NLK: variants seen among roughly 807,000 people sequenced by gnomAD.
NLK encodes the protein nemo like kinase.
NLK carries 11 observed loss-of-function variants against 59.0 expected under a neutral mutation model. That is an observed-to-expected ratio of 0.19 (90% confidence interval 0.12 to 0.31). The LOEUF is 0.31. NLK is among the 10% of genes least tolerant of loss of function. The pLI is 1.00. For synonymous variants in NLK, 235 were observed against 235.9 expected (o/e 1.00, Z 0.03); for missense variants, 410 against 661.1 (o/e 0.62, Z 4.16).
At chr17:28,097,322 G>T (rs1439986091) in intron 1 of NLK, among the ~76,000 whole-genome samples, 2 of 152,072 alleles carry the variant, frequency 1.3e-5, no homozygotes, top group African/African-American at 2.4e-5. Flanking sequence ...TATTAAGAAG[G>T]TTTAATAAAT....
intron 1 of NLK, among the ~76,000 whole-genome samples, chr17:28,110,945 C>A (rs1158476217): frequency 4.1e-5 from 6 of 144,874 alleles, no homozygotes; most frequent in East Asian, 4.2e-4. Flanking sequence ...CCCGGGTTCA[C>A]GCCATTCTCC....
At chr17:28,105,406 C>A (rs1007615840) in intron 1 of NLK, among the ~76,000 whole-genome samples, 7 of 151,956 alleles carry the variant, frequency 4.6e-5, no homozygotes, top group Admixed American at 3.9e-4. Context: ...AGTTTGTATA[C>A]CAGTTTTTTT....
chr17:28,121,385 A>AG (rs746021351), intron 1 of NLK, among the ~76,000 whole-genome samples: 21 of 96,806 alleles, frequency 2.2e-4, no homozygotes, highest in Admixed American at 4.3e-4. Context: ...GATAGGTAGA[A>AG]GGGGGGAAAA....
intron 5 of NLK, among the ~76,000 whole-genome samples, chr17:28,167,195 T>A (rs1048024788): frequency 1.6e-4 from 24 of 152,132 alleles, no homozygotes; most frequent in African/African-American, 5.6e-4. Flanking sequence ...TATCTTCCTC[T>A]CTAAACTAGT....
intron 1 of NLK, among the ~76,000 whole-genome samples, chr17:28,051,492 G>A (rs1322735809): frequency 1.3e-5 from 2 of 151,778 alleles, no homozygotes; most frequent in African/African-American, 4.8e-5. Flanking sequence ...CCGAGTAGCT[G>A]GGATTACAGG....
At chr17:28,045,897 C>T (rs1909033748) in intron 1 of NLK, among the ~76,000 whole-genome samples, 1 of 152,158 alleles carries the variant, frequency 6.6e-6, no homozygotes, top group Non-Finnish European at 1.5e-5. Context: ...TATAATGGAA[C>T]ATAAAAATGT....
At position 28,161,198 on chromosome 17, in the gene NLK, A is replaced by G; in HGVS notation, c.683A>G (p.Lys228Arg). The G allele has an allele frequency of 6.2e-7, 1 of 1,611,596 alleles. No homozygotes were observed. The highest frequency in any genetic ancestry group is 1.1e-5 in the South Asian group (1 of 91,016). The change falls in exon 4 of 11, where the codon AAA becomes AGA. Residue 228 changes from lysine to arginine, a missense_variant. By Grantham distance (26) the Lys-to-Arg change is conservative (BLOSUM62 2). This residue lies in a region of NLK where 73 missense variants were observed against 197.2 expected (regional missense o/e 0.37). Transcript: ENST00000407008. ...VTELMQSDLH[K>R]IIVSPQPLSS... The stretch of plus-strand genomic sequence containing the variant: ...GAATTGATGCAGAGTGACCTACATA[A>G]AATTATCGTCTCTCCTCAACCACTC...
chr17:28,200,057 A>C (rs1391242133), downstream of NLK, among the ~76,000 whole-genome samples: 1 of 152,190 alleles, frequency 6.6e-6, no homozygotes, highest in Non-Finnish European at 1.5e-5. Context: ...TTCTGAATAC[A>C]GGTCTTTTGT....
At chr17:28,078,435 CCA>C (rs1321646947) in intron 1 of NLK, among the ~76,000 whole-genome samples, 1 of 152,076 alleles carries the variant, frequency 6.6e-6, no homozygotes, top group South Asian at 2.1e-4. Context: ...CTCCCCTGTG[CCA>C]CACACACAGT....
At chr17:28,142,601 T>C (rs1907053988) in intron 3 of NLK, among the ~76,000 whole-genome samples, 1 of 152,210 alleles carries the variant, frequency 6.6e-6, no homozygotes, top group East Asian at 1.9e-4. Context: ...AAATCAACCA[T>C]ATCTGTAAAC....
chr17:28,047,400 A>G (rs1395468883), intron 1 of NLK, among the ~76,000 whole-genome samples: 1 of 152,218 alleles, frequency 6.6e-6, no homozygotes, highest in Non-Finnish European at 1.5e-5. Flanking sequence ...ATTTAAAGCC[A>G]AGGGGAAAAT....
chr17:28,137,278 ATTG>A (rs1906793660), intron 3 of NLK, among the ~76,000 whole-genome samples: 2 of 152,160 alleles, frequency 1.3e-5, no homozygotes, highest in African/African-American at 4.8e-5. Context: ...ATGAAGTGCT[ATTG>A]TTTTAGGCAA....
chr17:28,103,831 A>G (rs1027956471), intron 1 of NLK, among the ~76,000 whole-genome samples: 2 of 152,192 alleles, frequency 1.3e-5, no homozygotes, highest in African/African-American at 2.4e-5. Flanking sequence ...TATTCTGACC[A>G]CTTAACCTGC....
intron 1 of NLK, among the ~76,000 whole-genome samples, chr17:28,105,684 A>G (rs146820819): frequency 0.013 from 1,962 of 152,330 alleles, 24 homozygotes; most frequent in Non-Finnish European, 0.02. Context: ...TAAGTGAGCT[A>G]TAAAGAAGAC....
chr17:28,186,707 C>T (rs1279198732), intron 8 of NLK, among the ~76,000 whole-genome samples: 1 of 152,182 alleles, frequency 6.6e-6, no homozygotes, highest in Non-Finnish European at 1.5e-5. Context: ...GAGACTTATT[C>T]ACTATCACGA....
intron 3 of NLK, 35 bp from the exon 4 acceptor site, chr17:28,161,125 A>C (rs762126403): frequency 8.4e-7 from 1 of 1,191,758 alleles, no homozygotes; most frequent in African/African-American, 1.5e-5. Flanking sequence ...TAGGGGACTG[A>C]ATTCGCCGAA....
At chr17:28,078,297 G>T (rs1409597529) in intron 1 of NLK, among the ~76,000 whole-genome samples, 1 of 152,020 alleles carries the variant, frequency 6.6e-6, no homozygotes, top group Non-Finnish European at 1.5e-5. Context: ...AAGTAAAAAT[G>T]ACTATAAACC....
At chr17:28,114,164 T>C (rs1905651055) in intron 1 of NLK, among the ~76,000 whole-genome samples, 1 of 152,216 alleles carries the variant, frequency 6.6e-6, no homozygotes, top group Admixed American at 6.5e-5. Context: ...ATATTTAAGC[T>C]ATTTCCAGTT....
At chr17:28,079,570 C>A (rs1039888898) in intron 1 of NLK, among the ~76,000 whole-genome samples, 1 of 152,182 alleles carries the variant, frequency 6.6e-6, no homozygotes, top group South Asian at 2.1e-4. Flanking sequence ...CCTAGCAATA[C>A]CTCATTGTGG....
Sources: gnomAD v4.1 joint callset for allele counts (sites outside exome capture counted in the v4.1 genomes callset) on GRCh38, gnomAD v4.1.1 for gene constraint, gnomAD v4.1.1 regional missense constraint, MANE v1.5 for transcripts, NCBI Gene and HGNC (gene_info 2026-07-23, HGNC 2026-07-21) for gene names.